The following CNTNAP2 variants were observed in gnomAD, a reference collection of about 807,000 sequenced individuals.
CNTNAP2 encodes the protein contactin-associated protein-like 2.
In CNTNAP2, 98 loss-of-function variants were observed where a neutral mutation model predicts 155.2. The observed-to-expected ratio is 0.63, with a 90% CI of 0.54 to 0.75. The LOEUF (loss-of-function observed/expected upper bound fraction) is 0.75, where lower values mean the gene tolerates loss of function less well. Among genes scored for constraint, CNTNAP2 ranks in the 30% least tolerant of loss-of-function variants. The pLI is 0.00. For missense variants in CNTNAP2, 1,727 were observed against 1,688.1 expected, an observed-to-expected ratio of 1.02 and a Z score of -0.40; for synonymous variants, 651 against 631.2, an observed-to-expected ratio of 1.03 and a Z score of -0.47.
intron 13 of CNTNAP2, among the ~76,000 whole-genome samples, chr7:147,891,059 G>T (rs1167090732): frequency 1.3e-5 from 2 of 152,032 alleles, no homozygotes; most frequent in Non-Finnish European, 2.9e-5. Context: ...AATTTTTATA[G>T]ATCAATTAAA....
intron 13 of CNTNAP2, among the ~76,000 whole-genome samples, chr7:147,765,192 A>G (rs1356477945): frequency 1.3e-5 from 2 of 152,156 alleles, no homozygotes; most frequent in South Asian, 2.1e-4. Context: ...TTCAACACCT[A>G]TGATATTTTA....
In CNTNAP2 at chr7:146,721,260, C is replaced by T. The variant is rs967961924; in HGVS notation, c.98-53011C>T. Among the ~76,000 whole-genome samples, 347 of 107,112 alleles carry T rather than the reference C, an allele frequency of 3.2e-3. 14 individuals carry two copies. Among genetic ancestry groups the T allele is most frequent in the East Asian group, 8.7e-3 (37 of 4,236 alleles). The allele number at this position is 107,112 out of a possible 152,430, so 70.3% of individuals were successfully genotyped here. On this transcript the variant is annotated intron_variant, in intron 1 of 23. Coordinates refer to ENST00000361727, the MANE Select transcript of CNTNAP2 (RefSeq NM_014141.6). The stretch of plus-strand genomic sequence containing the variant: ...ATACTCTCTCTATATTCTCTATATA[C>T]TCTCTATATATTCTATATATATTCT...
intron 8 of CNTNAP2, among the ~76,000 whole-genome samples, chr7:147,290,683 CAAAAAAAAAA>C (rs71182191): frequency 2.7e-5 from 2 of 73,294 alleles, no homozygotes; most frequent in Admixed American, 1.5e-4. Flanking sequence ...ACTCCATCTC[CAAAAAAAAAA>C]AAAAAAAAAA....
chr7:146,156,046 A>G (rs73452052), intron 1 of CNTNAP2, among the ~76,000 whole-genome samples: 2,819 of 152,194 alleles, frequency 0.019, 78 homozygotes, highest in African/African-American at 0.063. Flanking sequence ...CTGTTTTTTT[A>G]TATCAGTCAT....
Position 147,614,610 on chromosome 7 carries a change from A to C in CNTNAP2, c.1898-24496A>C, listed in dbSNP as rs534654491. On this transcript the variant is annotated intron_variant, in intron 12 of 23. Coordinates refer to ENST00000361727, the MANE Select transcript of CNTNAP2 (RefSeq NM_014141.6). Reference sequence around the variant, plus strand: ...CTCTACAATTCTTAGGATAATGATAATGATTATTATTATTATGTTTTACTT... The same window carrying C: ...CTCTACAATTCTTAGGATAATGATACTGATTATTATTATTATGTTTTACTT... 3.4e-3 allele frequency among the ~76,000 whole-genome samples: 513 copies of C among 151,602 alleles called. 2 individuals carry two copies. Among genetic ancestry groups the C allele is most frequent in the South Asian group, 0.012 (59 of 4,820 alleles).
At chr7:147,854,173 T>A (rs1798997981) in intron 13 of CNTNAP2, among the ~76,000 whole-genome samples, 1 of 152,188 alleles carries the variant, frequency 6.6e-6, no homozygotes, top group South Asian at 2.1e-4. Context: ...ATGTGCTTCC[T>A]CTTTCTGAGG....
rs1169812593 is a variant in CNTNAP2 at position 147,562,243 on chromosome 7, A to G, written c.1883A>G (p.Tyr628Cys). The G allele has an allele frequency of 6.2e-7, 1 of 1,613,876 alleles. No homozygotes were observed. Among genetic ancestry groups the G allele is most frequent in the Non-Finnish European group, 8.5e-7 (1 of 1,179,910 alleles). Residue 628 changes from tyrosine (Y) to cysteine (C), a missense_variant, in exon 12 of 24, where the codon TAC becomes TGC. Tyr to Cys is a radical substitution (Grantham distance 194). Transcript: ENST00000361727. ...GGACCTCTGGGGCCTCTGAAAGTTTACTGCAACATGACAGGTAACTGTGTC... is the reference window on the plus strand; with the variant it reads ...GGACCTCTGGGGCCTCTGAAAGTTTGCTGCAACATGACAGGTAACTGTGTC... ...GSGPLGPLKV[Y>C]CNMTEDKVWT...
At chr7:147,601,084 T>C (rs1800933821) in intron 12 of CNTNAP2, among the ~76,000 whole-genome samples, 1 of 152,190 alleles carries the variant, frequency 6.6e-6, no homozygotes, top group Non-Finnish European at 1.5e-5. Flanking sequence ...AAAAGTCCTG[T>C]GTCCCCGTTA....
chr7:147,215,311 G>C (rs1241323601), intron 8 of CNTNAP2, among the ~76,000 whole-genome samples: 11 of 152,078 alleles, frequency 7.2e-5, no homozygotes, highest in Non-Finnish European at 2.9e-5. Context: ...GTAGCATACA[G>C]AGTGTTTTCA....
At chr7:147,513,969 C>A (rs542908824) in intron 11 of CNTNAP2, among the ~76,000 whole-genome samples, 1 of 152,336 alleles carries the variant, frequency 6.6e-6, no homozygotes, top group Non-Finnish European at 1.5e-5. Flanking sequence ...ACCACCACCA[C>A]ATGGTCCTTT....
intron 8 of CNTNAP2, among the ~76,000 whole-genome samples, chr7:147,134,832 C>T (rs1477488558): frequency 6.6e-6 from 1 of 151,824 alleles, no homozygotes; most frequent in Admixed American, 6.6e-5. Flanking sequence ...TCAGCATGAG[C>T]ATTGAAGAAT....
chr7:146,298,216 T>C (rs1426455598), intron 1 of CNTNAP2, among the ~76,000 whole-genome samples: 14 of 152,136 alleles, frequency 9.2e-5, no homozygotes, highest in African/African-American at 3.1e-4. Flanking sequence ...TTTTGCTTTG[T>C]TTTGTTTTGT....
intron 3 of CNTNAP2, among the ~76,000 whole-genome samples, chr7:146,942,645 G>A (rs1226369970): frequency 6.6e-6 from 1 of 152,106 alleles, no homozygotes; most frequent in African/African-American, 2.4e-5. Context: ...AGACACAGGA[G>A]TGGCCAATGA....
At chr7:147,625,435 A>C (rs143385103) in intron 12 of CNTNAP2, among the ~76,000 whole-genome samples, 135 of 152,328 alleles carry the variant, frequency 8.9e-4, no homozygotes, top group Non-Finnish European at 1.5e-3. Context: ...GTTCCAAAGG[A>C]GTTATTGCAA....
At chr7:147,421,642 T>G (rs1797293073) in intron 10 of CNTNAP2, among the ~76,000 whole-genome samples, 1 of 145,768 alleles carries the variant, frequency 6.9e-6, no homozygotes, top group South Asian at 2.1e-4. Flanking sequence ...CATAAAGATA[T>G]ATACATCTAT....
At chr7:147,367,982 T>G (rs892772297) in intron 9 of CNTNAP2, among the ~76,000 whole-genome samples, 3 of 149,170 alleles carry the variant, frequency 2.0e-5, no homozygotes, top group African/African-American at 7.4e-5. Flanking sequence ...AAGCCTTTCT[T>G]TCTTTCTCTC....
chr7:148,022,915 G>A (rs1213076606), intron 15 of CNTNAP2, among the ~76,000 whole-genome samples: 1 of 151,942 alleles, frequency 6.6e-6, no homozygotes, highest in African/African-American at 2.4e-5. Flanking sequence ...TAAAACAGAC[G>A]CCCCTGAAGT....
In CNTNAP2 at chr7:147,243,431, C is replaced by G. The variant is rs1377783901; in HGVS notation, c.1349-56710C>G. Among the ~76,000 whole-genome samples the G allele has an allele frequency of 2.6e-5, 4 of 152,242 alleles. No individual in the cohort carries two copies. The East Asian group carries it at 5.8e-4, about 22-fold the overall frequency. On this transcript the variant is annotated intron_variant, in intron 8 of 23. Transcript: ENST00000361727. The stretch of plus-strand genomic sequence containing the variant: ...CTTCCAGCACGCACCCTTCCTCCTC[C>G]CCCATCATTCCCAATTCACATGACT...
Position 146,928,205 on chromosome 7 carries a change from G to A in CNTNAP2, c.402+88301G>A, listed in dbSNP as rs59980970. ...AACAAGTGTCCAAAAGTTCTAATGG[G>A]TGAATAATATTCAACTGTATTGTTT... On this transcript the variant is annotated intron_variant, in intron 3 of 23. Coordinates refer to ENST00000361727, the MANE Select transcript of CNTNAP2 (RefSeq NM_014141.6). 9.5e-4 allele frequency among the ~76,000 whole-genome samples: 144 copies of A among 152,116 alleles called. 1 individual carries two copies. The highest frequency in any genetic ancestry group is 3.3e-3 in the African/African-American group (136 of 41,502).
Sources: gnomAD v4.1 joint callset for allele counts (sites outside exome capture counted in the v4.1 genomes callset) on GRCh38, gnomAD v4.1.1 for gene constraint, MANE v1.5 for transcripts, NCBI Gene and HGNC (gene_info 2026-07-23, HGNC 2026-07-21) for gene names.